The following TAOK1 variants were observed in gnomAD, a reference collection of about 807,000 sequenced individuals.
TAOK1 encodes the protein TAO kinase 1, also known as serine/threonine-protein kinase TAO1.
Under a neutral mutation model 138.3 loss-of-function variants are expected in TAOK1, and 21 were observed. The observed-to-expected ratio is 0.15, with a 90% confidence interval of 0.11 to 0.22. The LOEUF is 0.22. Among genes scored for constraint, TAOK1 ranks in the 10% least tolerant of loss-of-function variants. The pLI is 1.00. For missense variants in TAOK1, 651 were observed against 1,227.7 expected (o/e 0.53, Z 7.02); for synonymous variants, 361 against 398.4 (o/e 0.91, Z 1.12).
intron 1 of TAOK1, among the ~76,000 whole-genome samples, chr17:29,422,807 C>T (rs1167591120): frequency 6.6e-6 from 1 of 152,126 alleles, no homozygotes; most frequent in Non-Finnish European, 1.5e-5. Flanking sequence ...GGGTGAATCA[C>T]GAGGTCAGGA....
chr17:29,530,990 C>T (rs2032093029), intron 18 of TAOK1, among the ~76,000 whole-genome samples: 1 of 20,452 alleles, frequency 4.9e-5, no homozygotes, highest in African/African-American at 3.5e-4. Context: ...GAGACGGAGT[C>T]TCACTCTGTC....
At chr17:29,537,927 C>A (rs532863454) in intron 19 of TAOK1, among the ~76,000 whole-genome samples, 1 of 151,856 alleles carries the variant, frequency 6.6e-6, no homozygotes, top group African/African-American at 2.4e-5. Flanking sequence ...GCCTGGCCAA[C>A]GTGGTGAAAC....
chr17:29,534,077 A>T, intron 18 of TAOK1, 41 bp from the exon 19 acceptor site: 1 of 1,542,296 alleles, frequency 6.5e-7, no homozygotes, highest in Non-Finnish European at 8.7e-7. Context: ...AGCTAACATT[A>T]GGATATATCT....
chr17:29,441,902 A>C (rs949671990), intron 1 of TAOK1, among the ~76,000 whole-genome samples: 10 of 152,052 alleles, frequency 6.6e-5, no homozygotes, highest in Non-Finnish European at 1.3e-4. Flanking sequence ...CGTCTCAAAA[A>C]AAAAAAAATC....
chr17:29,430,751 T>C (rs900861759), intron 1 of TAOK1, among the ~76,000 whole-genome samples: 1 of 152,166 alleles, frequency 6.6e-6, no homozygotes, highest in African/African-American at 2.4e-5. Context: ...TAAATCTTTA[T>C]GGGAGGCAGA....
At chr17:29,530,762 C>G in intron 18 of TAOK1, 143 bp downstream of exon 18, 2 of 683,652 alleles carry the variant, frequency 2.9e-6, no homozygotes, top group Non-Finnish European at 5.1e-6. Flanking sequence ...CATTTTCTTC[C>G]TGTTCTCAAC....
At chr17:29,453,158 CTTT>C (rs1273106911) in intron 2 of TAOK1, among the ~76,000 whole-genome samples, 5 of 133,282 alleles carry the variant, frequency 3.8e-5, no homozygotes, top group African/African-American at 2.7e-5. Flanking sequence ...TTCTGGCTTA[CTTT>C]TTTTTTTTTT....
At position 29,451,501 on chromosome 17, in the gene TAOK1, G is replaced by A. The variant is rs761753385; in HGVS notation, c.-48G>A. On this transcript the variant is annotated 5_prime_UTR_variant, in exon 2 of 20. Coordinates refer to ENST00000261716, the MANE Select transcript of TAOK1 (RefSeq NM_020791.4). ...CATTCATACAGATGAACCAAGGATC[G>A]GGATAGCAGTATAAAATTAGAATCA... 7.2e-6 allele frequency: 11 copies of A among 1,538,332 alleles called. No homozygotes were observed. The highest frequency in any genetic ancestry group is 4.6e-5 in the East Asian group (2 of 43,894).
intron 1 of TAOK1, among the ~76,000 whole-genome samples, chr17:29,393,142 A>G (rs1904481796): frequency 6.6e-6 from 1 of 152,182 alleles, no homozygotes; most frequent in African/African-American, 2.4e-5. Context: ...CATTATGGCA[A>G]ATTATGCCAG....
At chr17:29,529,135 C>A (rs2032062237) in intron 17 of TAOK1, among the ~76,000 whole-genome samples, 2 of 151,904 alleles carry the variant, frequency 1.3e-5, no homozygotes, top group Admixed American at 1.3e-4. Context: ...TTATGCCTGG[C>A]TAATTTTAAA....
chr17:29,473,436 G>C (rs1216873817), intron 3 of TAOK1, among the ~76,000 whole-genome samples: 1 of 152,032 alleles, frequency 6.6e-6, no homozygotes, highest in Non-Finnish European at 1.5e-5. Context: ...AGGAGTTCGA[G>C]ACCAGCTTGG....
intron 17 of TAOK1, among the ~76,000 whole-genome samples, chr17:29,527,958 T>G (rs2032039283): frequency 6.6e-6 from 1 of 152,240 alleles, no homozygotes; most frequent in Non-Finnish European, 1.5e-5. Context: ...TCATGTCTGT[T>G]ACCCCACGAA....
At chr17:29,476,368 AGTTT>A (rs2030941325) in intron 4 of TAOK1, among the ~76,000 whole-genome samples, 2 of 152,278 alleles carry the variant, frequency 1.3e-5, no homozygotes, top group African/African-American at 4.8e-5. Context: ...ATTTTTATCC[AGTTT>A]GTTTTGGTAG....
At chr17:29,524,921 G>C (rs1216056080) in intron 17 of TAOK1, among the ~76,000 whole-genome samples, 1 of 152,176 alleles carries the variant, frequency 6.6e-6, no homozygotes, top group African/African-American at 2.4e-5. Context: ...TAAATGAGTA[G>C]AAATAAATGT....
intron 2 of TAOK1, among the ~76,000 whole-genome samples, chr17:29,462,499 A>G (rs1255106390): frequency 6.6e-6 from 1 of 152,212 alleles, no homozygotes; most frequent in Non-Finnish European, 1.5e-5. Flanking sequence ...TCCCAGCAAA[A>G]TCATTTATTT....
intron 1 of TAOK1, among the ~76,000 whole-genome samples, chr17:29,421,449 A>G (rs1333334037): frequency 6.6e-6 from 1 of 152,140 alleles, no homozygotes; most frequent in Non-Finnish European, 1.5e-5. Flanking sequence ...TCATAAGTTG[A>G]TAAATGTTTA....
At chr17:29,397,730 CATATATACACGT>C (rs567712298) in intron 1 of TAOK1, among the ~76,000 whole-genome samples, 1,815 of 88,832 alleles carry the variant, frequency 0.02, 47 homozygotes, top group African/African-American at 0.092. Flanking sequence ...TATGTATATA[CATATATACACGT>C]ATATATACAC....
intron 1 of TAOK1, among the ~76,000 whole-genome samples, chr17:29,415,438 C>T (rs1905245942): frequency 1.3e-5 from 2 of 152,276 alleles, no homozygotes; most frequent in African/African-American, 2.4e-5. Context: ...TCCATAGTTG[C>T]TGAACCATTT....
chr17:29,467,331 T>C (rs1015413068), intron 3 of TAOK1, 115 bp downstream of exon 3: 3 of 468,342 alleles, frequency 6.4e-6, no homozygotes, highest in Non-Finnish European at 6.8e-6. Context: ...TGGAGTGTAG[T>C]GGTGCAATCT....
Sources: gnomAD v4.1 joint callset for allele counts (sites outside exome capture counted in the v4.1 genomes callset) on GRCh38, gnomAD v4.1.1 for gene constraint, MANE v1.5 for transcripts, NCBI Gene and HGNC (gene_info 2026-07-23, HGNC 2026-07-21) for gene names.